KIAA1958: variants seen among roughly 807,000 people sequenced by gnomAD.
The protein encoded by KIAA1958 is uncharacterized protein KIAA1958.
Under a neutral mutation model 47.2 loss-of-function variants are expected in KIAA1958, and 14 were observed. The ratio of observed to expected loss-of-function variants is 0.30; its 90% CI spans 0.20 to 0.46. The LOEUF (loss-of-function observed/expected upper bound fraction) is 0.46. Among genes scored for constraint, KIAA1958 ranks in the 20% least tolerant of loss-of-function variants. The pLI is 1.00. For synonymous variants in KIAA1958, 354 were observed against 353.3 expected (o/e 1.00, Z -0.02); for missense variants, 803 against 909.2 (o/e 0.88, Z 1.50).
At chr9:112,561,043 T>TA (rs1243437581) in intron 1 of KIAA1958, among the ~76,000 whole-genome samples, 1 of 151,842 alleles carries the variant, frequency 6.6e-6, no homozygotes, top group Admixed American at 6.6e-5. Flanking sequence ...GCACTCAGTG[T>TA]ATTGTCTTTG....
At chr9:112,614,013 G>A (rs1374252836) in intron 2 of KIAA1958, among the ~76,000 whole-genome samples, 1 of 152,080 alleles carries the variant, frequency 6.6e-6, no homozygotes, top group Non-Finnish European at 1.5e-5. Context: ...CTAATAGAAT[G>A]CAATGTCCAG....
chr9:112,548,335 C>T (rs1835078898), intron 1 of KIAA1958, among the ~76,000 whole-genome samples: 1 of 152,142 alleles, frequency 6.6e-6, no homozygotes, highest in Admixed American at 6.6e-5. Context: ...GCACCCTCTT[C>T]GAGGTGTTCT....
intron 1 of KIAA1958, among the ~76,000 whole-genome samples, chr9:112,511,062 A>C (rs1355026971): frequency 6.6e-6 from 1 of 152,112 alleles, no homozygotes; most frequent in Non-Finnish European, 1.5e-5. Context: ...CACTGAGAGC[A>C]TGTGGAAATT....
chr9:112,654,240 A>G lies in KIAA1958; in HGVS notation c.1345-5023A>G, dbSNP rs561934826. On this transcript the variant is annotated intron_variant, in intron 3 of 3. Transcript: ENST00000337530. ...TGGTTTTTGTTGAAAGCACTAACATAAAAAATAAGATTTTCTACTCAGCAC... is the reference window on the plus strand; with the variant it reads ...TGGTTTTTGTTGAAAGCACTAACATGAAAAATAAGATTTTCTACTCAGCAC... Among the ~76,000 whole-genome samples, 133 of 152,296 alleles carry G rather than the reference A, an allele frequency of 8.7e-4. 1 individual carries two copies. Among genetic ancestry groups the G allele is most frequent in the African/African-American group, 3.0e-3 (124 of 41,574 alleles).
rs779679545 is a variant in KIAA1958, at chr9:112,668,677, A to G, written c.*8608A>G. ...ATTTAAACTCTAAACTAAATTTTCAATGACACCAGCATGTTTGCTTTAAAT... is the reference window on the plus strand; with the variant it reads ...ATTTAAACTCTAAACTAAATTTTCAGTGACACCAGCATGTTTGCTTTAAAT... On this transcript the variant is annotated 3_prime_UTR_variant, in exon 4 of 4. Coordinates refer to ENST00000337530, the MANE Select transcript of KIAA1958 (RefSeq NM_133465.4). 2.6e-5 allele frequency: 4 copies of G among 152,188 alleles called. No individual in the cohort carries two copies. Among genetic ancestry groups the G allele is most frequent in the Non-Finnish European group, 4.4e-5 (3 of 68,024 alleles). The allele number at this position is 152,188 out of a possible 1,614,324, so 9.4% of individuals were successfully genotyped here. A position where few individuals can be genotyped will look rare whatever the true frequency, so the allele number is the denominator to read the frequency against.
At chr9:112,509,059 A>G (rs1304853670) in intron 1 of KIAA1958, among the ~76,000 whole-genome samples, 1 of 151,016 alleles carries the variant, frequency 6.6e-6, no homozygotes, top group African/African-American at 2.4e-5. Flanking sequence ...AAAAAATTTT[A>G]AAAAGAGCAA....
At chr9:112,535,023 G>C (rs373140288) in intron 1 of KIAA1958, among the ~76,000 whole-genome samples, 158 of 152,228 alleles carry the variant, frequency 1.0e-3, no homozygotes, top group African/African-American at 3.7e-3. Context: ...ACAACATGAT[G>C]TTTTGATACA....
chr9:112,509,263 G>A (rs1296095271), intron 1 of KIAA1958, among the ~76,000 whole-genome samples: 1 of 144,880 alleles, frequency 6.9e-6, no homozygotes, highest in African/African-American at 2.6e-5. Flanking sequence ...AGTGTGCAAT[G>A]GCACGATCTT....
At chr9:112,631,534 GAAAAA>G (rs57805823) in intron 2 of KIAA1958, among the ~76,000 whole-genome samples, 2 of 98,304 alleles carry the variant, frequency 2.0e-5, no homozygotes, top group African/African-American at 3.7e-5. Flanking sequence ...CTCTCTCAAA[GAAAAA>G]AAAAAAAAAA....
At chr9:112,522,868 T>C (rs1834573584) in intron 1 of KIAA1958, among the ~76,000 whole-genome samples, 1 of 152,200 alleles carries the variant, frequency 6.6e-6, no homozygotes, top group Non-Finnish European at 1.5e-5. Context: ...ATTCCCATTG[T>C]GTCGACCCTA....
chr9:112,529,835 C>A (rs902513604), intron 1 of KIAA1958, among the ~76,000 whole-genome samples: 2 of 82,756 alleles, frequency 2.4e-5, no homozygotes, highest in African/African-American at 1.1e-4. Flanking sequence ...AAGTTAGACT[C>A]CTCTTACTTT....
intron 1 of KIAA1958, among the ~76,000 whole-genome samples, chr9:112,518,394 A>G (rs1834475835): frequency 6.6e-6 from 1 of 152,204 alleles, no homozygotes; most frequent in Admixed American, 6.5e-5. Context: ...AAAAAGAATG[A>G]ACTATTGATA....
intron 1 of KIAA1958, among the ~76,000 whole-genome samples, chr9:112,499,161 G>C (rs1834093574): frequency 6.6e-6 from 1 of 152,190 alleles, no homozygotes; most frequent in Non-Finnish European, 1.5e-5. Context: ...CATTTGGTTT[G>C]ATTACATGTC....
intron 2 of KIAA1958, among the ~76,000 whole-genome samples, chr9:112,604,952 A>G (rs1836202194): frequency 6.8e-6 from 1 of 147,290 alleles, no homozygotes; most frequent in Non-Finnish European, 1.5e-5. Flanking sequence ...ATATTTTAAT[A>G]TATGTTTATA....
At chr9:112,590,446 G>C (rs1835902809) in intron 2 of KIAA1958, among the ~76,000 whole-genome samples, 1 of 151,532 alleles carries the variant, frequency 6.6e-6, no homozygotes, top group African/African-American at 2.4e-5. Flanking sequence ...CCCCCTCCCG[G>C]GTTCAAGTGA....
Position 112,662,357 on chromosome 9 carries a change from G to A in KIAA1958, c.*2288G>A, listed in dbSNP as rs549187517. The A allele has an allele frequency of 6.6e-6, 1 of 152,360 alleles. No homozygotes were observed. The highest frequency in any genetic ancestry group is 2.1e-4 in the South Asian group (1 of 4,828). The allele number at this position is 152,360 out of a possible 1,614,324, so 9.4% of individuals were successfully genotyped here. A position where few individuals can be genotyped will look rare whatever the true frequency, so the allele number is the denominator to read the frequency against. ...GAGGAAGAAAACACAGTCATCAAGT[G>A]CCAGCGTGTGCCACCCATTGTACTA... On this transcript the variant is annotated 3_prime_UTR_variant, in exon 4 of 4. Transcript: ENST00000337530.
Position 112,535,704 on chromosome 9 carries a change from G to GTTCT in KIAA1958, c.-24-38352_-24-38349dup, listed in dbSNP as rs144531036. 9.2e-5 allele frequency among the ~76,000 whole-genome samples: 14 copies of GTTCT among 151,978 alleles called. No individual in the cohort carries two copies. The East Asian group carries it at 2.7e-3, about 29-fold the overall frequency. On this transcript the variant is annotated intron_variant, in intron 1 of 3. Coordinates refer to ENST00000337530, the MANE Select transcript of KIAA1958 (RefSeq NM_133465.4). ...GCATTTTCACTAACAGTGTACAAGG[G>GTTCT]TTCTCTTTTTTTTTCCCCACAACCT...
intron 1 of KIAA1958, among the ~76,000 whole-genome samples, chr9:112,512,901 G>C (rs549739831): frequency 2.0e-5 from 3 of 152,048 alleles, no homozygotes; most frequent in African/African-American, 4.8e-5. Context: ...GCAGTGGCAC[G>C]ATCTTGGCTC....
At chr9:112,499,225 A>G (rs772304703) in intron 1 of KIAA1958, among the ~76,000 whole-genome samples, 6 of 152,170 alleles carry the variant, frequency 3.9e-5, no homozygotes, top group African/African-American at 4.8e-5. Flanking sequence ...AATCTCTTTG[A>G]TACACTGATT....
Sources: allele counts gnomAD v4.1 joint callset (sites outside exome capture counted in the v4.1 genomes callset), GRCh38; gene constraint gnomAD v4.1.1; transcripts MANE v1.5; gene names NCBI Gene and HGNC (gene_info 2026-07-23, HGNC 2026-07-21).